The following ADAMTSL3 variants were observed in gnomAD, a reference collection of about 807,000 sequenced individuals.
The protein encoded by ADAMTSL3 is ADAMTS like 3, also known as ADAMTS-like protein 3.
Under a neutral mutation model 201.7 loss-of-function variants are expected in ADAMTSL3, and 128 were observed. The observed-to-expected ratio is 0.63, with a 90% CI of 0.55 to 0.73. The LOEUF is 0.73. ADAMTSL3 is among the 30% of genes least tolerant of loss of function. The pLI, the probability that ADAMTSL3 is intolerant of heterozygous loss-of-function variation, is 0.00. For synonymous variants in ADAMTSL3, 738 were observed against 748.4 expected (o/e 0.99, Z 0.23); for missense variants, 1,990 against 2,119.6 (o/e 0.94, Z 1.20).
intron 15 of ADAMTSL3, among the ~76,000 whole-genome samples, chr15:83,910,178 GT>G (rs1355168228): frequency 6.6e-6 from 1 of 152,034 alleles, no homozygotes; most frequent in Non-Finnish European, 1.5e-5. Context: ...TTACTCTGTT[GT>G]TTTATCATCT....
chr15:83,821,687 C>T (rs2063869456), intron 6 of ADAMTSL3, among the ~76,000 whole-genome samples: 2 of 152,334 alleles, frequency 1.3e-5, no homozygotes, highest in East Asian at 3.9e-4. Flanking sequence ...AATCTTTTCC[C>T]CACCTTTCCC....
intron 8 of ADAMTSL3, among the ~76,000 whole-genome samples, chr15:83,859,687 T>G (rs2064815709): frequency 6.6e-6 from 1 of 152,152 alleles, no homozygotes. Flanking sequence ...ATGGGGGTGG[T>G]GGTACCCTGT....
At chr15:84,007,886 C>T (rs2141877686) in intron 23 of ADAMTSL3, among the ~76,000 whole-genome samples, 1 of 152,296 alleles carries the variant, frequency 6.6e-6, no homozygotes, top group South Asian at 2.1e-4. Flanking sequence ...ATTCCCTGCC[C>T]TGGACTCCAC....
intron 6 of ADAMTSL3, among the ~76,000 whole-genome samples, chr15:83,831,005 A>G (rs1372420233): frequency 6.6e-6 from 1 of 152,230 alleles, no homozygotes; most frequent in Admixed American, 6.5e-5. Flanking sequence ...GAAATATACA[A>G]CTAATGAAGT....
chr15:83,804,715 T>A lies in ADAMTSL3; in HGVS notation c.363+20T>A. Reference sequence around the variant, plus strand: ...AATCATGTAAGTCATAAAATAAAATTATTTTATCCAATACAATATGTGCTT... The same window carrying A: ...AATCATGTAAGTCATAAAATAAAATAATTTTATCCAATACAATATGTGCTT... On this transcript the variant is annotated intron_variant, in intron 5 of 29. Coordinates refer to ENST00000286744, the MANE Select transcript of ADAMTSL3 (RefSeq NM_207517.3). 1 of 1,555,760 alleles carries A rather than the reference T, an allele frequency of 6.4e-7. No individual in the cohort carries two copies.
chr15:83,789,792 A>C (rs970836605), intron 4 of ADAMTSL3, among the ~76,000 whole-genome samples: 3 of 152,164 alleles, frequency 2.0e-5, no homozygotes, highest in Admixed American at 2.0e-4. Context: ...TCTTTAGATA[A>C]TAACATACAG....
chr15:83,777,762 C>G (rs1309870584), intron 4 of ADAMTSL3, among the ~76,000 whole-genome samples: 1 of 152,120 alleles, frequency 6.6e-6, no homozygotes, highest in African/African-American at 2.4e-5. Flanking sequence ...GTGTTCTGAA[C>G]CAGGTTGAGA....
At chr15:84,009,767 G>A (rs1052715104) in intron 23 of ADAMTSL3, among the ~76,000 whole-genome samples, 4 of 152,172 alleles carry the variant, frequency 2.6e-5, no homozygotes, top group African/African-American at 4.8e-5. Flanking sequence ...CATGGTCCCC[G>A]GGTTGAGGAC....
At chr15:83,707,403 C>A (rs2061868362) in intron 3 of ADAMTSL3, among the ~76,000 whole-genome samples, 1 of 152,162 alleles carries the variant, frequency 6.6e-6, no homozygotes, top group African/African-American at 2.4e-5. Flanking sequence ...GAAGTTAATT[C>A]TTACTTTAGG....
At chr15:83,792,285 A>T (rs1473085160) in intron 4 of ADAMTSL3, among the ~76,000 whole-genome samples, 2 of 152,216 alleles carry the variant, frequency 1.3e-5, no homozygotes, top group African/African-American at 4.8e-5. Flanking sequence ...AGATATATGA[A>T]CAAATGCTCA....
rs56329675 is a variant in ADAMTSL3 at position 83,917,417 on chromosome 15, GTGTATGTATGTA to G, written c.1987+4069_1987+4080del. ...CACCAATCTCCAGCTTCCAAAGTGT[GTGTATGTATGTA>G]TGTATGTATGTATGTATGTATGTAT... is the stretch of plus-strand genomic sequence containing the variant. On this transcript the variant is annotated intron_variant, in intron 16 of 29. Coordinates refer to ENST00000286744, the MANE Select transcript of ADAMTSL3 (RefSeq NM_207517.3). Among the ~76,000 whole-genome samples, 215 of 146,638 alleles carry G rather than the reference GTGTATGTATGTA, an allele frequency of 1.5e-3. 2 individuals are homozygous for G. Among genetic ancestry groups the G allele is most frequent in the African/African-American group, 5.0e-3 (195 of 38,762 alleles).
chr15:83,838,343 A>T, intron 7 of ADAMTSL3, 128 bp downstream of exon 7: 1 of 1,250,018 alleles, frequency 8.0e-7, no homozygotes. Flanking sequence ...AATTTTCTAA[A>T]AGTGAAATTT....
At position 83,982,677 on chromosome 15, in the gene ADAMTSL3, G is replaced by A; in HGVS notation, c.3049G>A (p.Gly1017Arg). 1 of 1,614,116 alleles carries A rather than the reference G, an allele frequency of 6.2e-7. No individual in the cohort carries two copies. The highest frequency in any genetic ancestry group is 8.5e-7 in the Non-Finnish European group (1 of 1,180,036). The change falls in exon 21 of 30, where the codon GGG (glycine) becomes AGG (arginine). Residue 1017 changes from glycine to arginine, a missense_variant. By Grantham distance (125) the Gly-to-Arg change is moderately radical (BLOSUM62 -2). Coordinates refer to ENST00000286744, the MANE Select transcript of ADAMTSL3 (RefSeq NM_207517.3). Reference protein sequence around the residue: ...ALREPMREYPGMDHSEANSLG... With the variant: ...ALREPMREYPRMDHSEANSLG... ...CAGGGAGCCTATGAGGGAATATCCT[G>A]GGATGGACCACAGCGAAGCCAATAG...
intron 3 of ADAMTSL3, among the ~76,000 whole-genome samples, chr15:83,709,393 GGTTTCA>G (rs1231260455): frequency 6.6e-6 from 1 of 152,180 alleles, no homozygotes; most frequent in Non-Finnish European, 1.5e-5. Context: ...AGAAGGCTGT[GGTTTCA>G]GTTACTAGCC....
chr15:83,964,779 T>C (rs2067046977), intron 19 of ADAMTSL3, among the ~76,000 whole-genome samples: 1 of 152,278 alleles, frequency 6.6e-6, no homozygotes, highest in African/African-American at 2.4e-5. Context: ...GAGAGAAAGA[T>C]TGGGTTACCC....
chr15:83,891,618 G>A (rs1209239564), intron 12 of ADAMTSL3, among the ~76,000 whole-genome samples: 2 of 152,182 alleles, frequency 1.3e-5, no homozygotes, highest in Admixed American at 1.3e-4. Flanking sequence ...GGACAACTGA[G>A]TATTATAGCA....
intron 3 of ADAMTSL3, among the ~76,000 whole-genome samples, chr15:83,771,189 T>G (rs2062977539): frequency 6.7e-6 from 1 of 149,886 alleles, no homozygotes; most frequent in Admixed American, 6.6e-5. Context: ...TTTTTTATTT[T>G]AATAGGTCCA....
chr15:83,776,534 A>G (rs771228133), intron 4 of ADAMTSL3, among the ~76,000 whole-genome samples: 3 of 152,196 alleles, frequency 2.0e-5, no homozygotes, highest in Admixed American at 1.3e-4. Flanking sequence ...CCTGACCAAC[A>G]TGGAGAAAGC....
chr15:83,860,403 T>C (rs939651987), intron 8 of ADAMTSL3, among the ~76,000 whole-genome samples: 1 of 152,246 alleles, frequency 6.6e-6, no homozygotes, highest in Non-Finnish European at 1.5e-5. Context: ...TGACACTGTT[T>C]TCCCAGAATA....
Sources: gnomAD v4.1 joint callset for allele counts (sites outside exome capture counted in the v4.1 genomes callset) on GRCh38, gnomAD v4.1.1 for gene constraint, MANE v1.5 for transcripts, NCBI Gene and HGNC (gene_info 2026-07-23, HGNC 2026-07-21) for gene names.